The following ADK variants were observed in gnomAD, a reference collection of about 807,000 sequenced individuals.
The protein encoded by ADK is N6,N6-dimethyladenosine kinase.
Under a neutral mutation model 44.7 loss-of-function variants are expected in ADK, and 24 were observed. The ratio of observed to expected loss-of-function variants is 0.54; its 90% CI spans 0.39 to 0.76. The LOEUF is 0.76. Ranked by LOEUF, ADK falls within the 30% of genes least tolerant of loss-of-function variation. The probability of loss-of-function intolerance (pLI) is 0.00; values close to 1 mark genes in which losing one functional copy is unlikely to be tolerated. For missense variants in ADK, 321 were observed against 425.1 expected (o/e 0.76, Z 2.15); for synonymous variants, 128 against 142.6 (o/e 0.90, Z 0.73).
rs11368451 is a variant in ADK at position 74,185,521 on chromosome 10, A to ATTT, written c.66-15230_66-15228dup. Among the ~76,000 whole-genome samples, 620 of 144,800 alleles carry ATTT rather than the reference A, an allele frequency of 4.3e-3. 4 individuals carry two copies. The highest frequency in any genetic ancestry group is 0.014 in the African/African-American group (564 of 39,124). The allele number at this position is 144,800 out of a possible 152,430, so 95.0% of individuals were successfully genotyped here. ...TTTAAAAAAAAATGCCAACAATATA[A>ATTT]TTTTTTTTTTTTTTTGAAGCAGAGT... On this transcript the variant is annotated intron_variant, in intron 1 of 10. Transcript: ENST00000539909.
chr10:74,600,551 A>G lies in ADK; in HGVS notation c.877+58A>G. 3.7e-6 allele frequency: 4 copies of G among 1,087,968 alleles called. No homozygotes were observed. The South Asian group carries it at 5.7e-5, about 15-fold the overall frequency. 67.4% of individuals were successfully genotyped at this position (1,087,968 alleles called of 1,614,324 possible). A position where few individuals can be genotyped will look rare whatever the true frequency, so the allele number is the denominator to read the frequency against. On this transcript the variant is annotated intron_variant, in intron 9 of 10. Coordinates refer to ENST00000539909, the MANE Select transcript of ADK (RefSeq NM_006721.4). ...TTATGGAGATTAATCAATTACAAAAAAAAATTCTGTATTCTTTCTATTATA... is the reference window on the plus strand; with the variant it reads ...TTATGGAGATTAATCAATTACAAAAGAAAATTCTGTATTCTTTCTATTATA...
At chr10:74,598,866 C>T (rs1852021266) in intron 8 of ADK, among the ~76,000 whole-genome samples, 2 of 152,062 alleles carry the variant, frequency 1.3e-5, no homozygotes, top group Admixed American at 6.6e-5. Flanking sequence ...GTGTTTTTCT[C>T]TTATCTTTAT....
intron 7 of ADK, among the ~76,000 whole-genome samples, chr10:74,544,416 A>G (rs1849753537): frequency 6.6e-6 from 1 of 152,214 alleles, no homozygotes; most frequent in Admixed American, 6.5e-5. Context: ...AGGACTTGAT[A>G]TATTTTTTAC....
chr10:74,234,512 C>T (rs987485023), intron 3 of ADK, among the ~76,000 whole-genome samples: 1 of 151,852 alleles, frequency 6.6e-6, no homozygotes, highest in African/African-American at 2.4e-5. Context: ...TCATTATGAA[C>T]ATACCTACTT....
At chr10:74,175,385 A>G (rs1014195844) in intron 1 of ADK, among the ~76,000 whole-genome samples, 5 of 152,194 alleles carry the variant, frequency 3.3e-5, no homozygotes, top group Non-Finnish European at 7.3e-5. Context: ...AAAAAAAAAA[A>G]AAAAGTGAAA....
At chr10:74,655,653 C>T in intron 9 of ADK, 1 of 450,366 alleles carries the variant, frequency 2.2e-6, no homozygotes, top group South Asian at 1.8e-5. Context: ...TCCAGAGCAG[C>T]CAGGAAGACC....
At chr10:74,394,406 A>G in intron 5 of ADK, 93 bp downstream of exon 5, 1 of 1,219,286 alleles carries the variant, frequency 8.2e-7, no homozygotes, top group Non-Finnish European at 1.2e-6. Flanking sequence ...TTTTGACTTT[A>G]TAATTCCTTT....
intron 3 of ADK, among the ~76,000 whole-genome samples, chr10:74,247,224 G>GTTTTTTTTTTTTTTTTTTTTTTTT (rs142274121): frequency 4.2e-5 from 3 of 72,002 alleles, no homozygotes; most frequent in African/African-American, 1.2e-4. Context: ...TTTTTTTTAA[G>GTTTTTTTTTTTTTTTTTTTTTTTT]TTTTTTTTTT....
At chr10:74,227,609 C>T (rs10824121) in intron 3 of ADK, among the ~76,000 whole-genome samples, 25,929 of 151,990 alleles carry the variant, frequency 0.17, 2,569 homozygotes, top group African/African-American at 0.28. Flanking sequence ...TTTGGGAGGC[C>T]GAGGTGGGTG....
At chr10:74,703,392 G>C (rs1681864556) in intron 10 of ADK, among the ~76,000 whole-genome samples, 1 of 151,982 alleles carries the variant, frequency 6.6e-6, no homozygotes, top group Non-Finnish European at 1.5e-5. Context: ...AGAGGTAGGA[G>C]AATCACCTGA....
At chr10:74,178,848 C>T (rs1842438805) in intron 1 of ADK, among the ~76,000 whole-genome samples, 1 of 152,188 alleles carries the variant, frequency 6.6e-6, no homozygotes, top group African/African-American at 2.4e-5. Context: ...TTACATTTTA[C>T]ACCTGAGGAA....
At position 74,151,354 on chromosome 10, in the gene ADK, C is replaced by T. The variant is rs768236346; in HGVS notation, c.65+11C>T. The T allele has an allele frequency of 1.4e-5, 21 of 1,549,330 alleles. No individual in the cohort carries two copies. The highest frequency in any genetic ancestry group is 1.8e-5 in the Non-Finnish European group (21 of 1,146,738). On this transcript the variant is annotated intron_variant, in intron 1 of 10. Transcript: ENST00000539909. ...GCCGCAAGCGCTGAGGTGAGCGCTG[C>T]CGGACTTGGGGAGGAGGGTGACGGC...
intron 1 of ADK, among the ~76,000 whole-genome samples, chr10:74,160,947 C>T (rs187818605): frequency 2.0e-5 from 3 of 152,138 alleles, no homozygotes; most frequent in Non-Finnish European, 4.4e-5. Context: ...CCAAAAAACC[C>T]GACAACCTCA....
At chr10:74,250,655 C>T (rs146723518) in intron 3 of ADK, among the ~76,000 whole-genome samples, 2 of 152,156 alleles carry the variant, frequency 1.3e-5, no homozygotes, top group African/African-American at 4.8e-5. Flanking sequence ...TATGGAAAGG[C>T]AGGTATACCA....
chr10:74,594,175 G>A (rs111506919), intron 8 of ADK, among the ~76,000 whole-genome samples: 3,476 of 150,872 alleles, frequency 0.023, 117 homozygotes, highest in African/African-American at 0.069. Flanking sequence ...ATCATACACC[G>A]GGGCCTGTTG....
At chr10:74,352,054 TAAAAA>T (rs879358173) in intron 4 of ADK, among the ~76,000 whole-genome samples, 1 of 142,802 alleles carries the variant, frequency 7.0e-6, no homozygotes, top group Non-Finnish European at 1.5e-5. Context: ...TTCGCAGAGT[TAAAAA>T]AAAAAAAGAA....
intron 4 of ADK, among the ~76,000 whole-genome samples, chr10:74,334,793 C>G (rs913807826): frequency 2.0e-5 from 3 of 152,056 alleles, no homozygotes; most frequent in Admixed American, 1.3e-4. Context: ...CCAGAGCAGA[C>G]TTGGTGCAAA....
chr10:74,307,998 A>G (rs1167198122), intron 3 of ADK, among the ~76,000 whole-genome samples: 1 of 152,210 alleles, frequency 6.6e-6, no homozygotes, highest in Non-Finnish European at 1.5e-5. Context: ...TCAACCAGTT[A>G]CTATTTAATG....
chr10:74,371,517 A>G (rs1842657392), intron 4 of ADK: 7 of 788,744 alleles, frequency 8.9e-6, no homozygotes, highest in South Asian at 5.8e-5. Flanking sequence ...ATCGTAGCTT[A>G]AAGCGAAACT....
Sources: allele counts gnomAD v4.1 joint callset (sites outside exome capture counted in the v4.1 genomes callset), GRCh38; gene constraint gnomAD v4.1.1; transcripts MANE v1.5; gene names NCBI Gene and HGNC (gene_info 2026-07-23, HGNC 2026-07-21).